The following SMC2 variants were observed in gnomAD, a reference collection of about 807,000 sequenced individuals.
The protein encoded by SMC2 is structural maintenance of chromosomes 2, also known as structural maintenance of chromosomes protein 2.
SMC2 carries 41 observed loss-of-function variants against 142.6 expected under a neutral mutation model. The observed-to-expected ratio is 0.29, with a 90% confidence interval of 0.22 to 0.37. The LOEUF is 0.37. Ranked by LOEUF, SMC2 falls within the 10% of genes least tolerant of loss-of-function variation. The pLI, the probability that SMC2 is intolerant of heterozygous loss-of-function variation, is 1.00. For synonymous variants in SMC2, 463 were observed against 457.5 expected (o/e 1.01, Z -0.15); for missense variants, 1,265 against 1,373.7 (o/e 0.92, Z 1.25).
chr9:104,117,732 T>C (rs978963535), intron 14 of SMC2, among the ~76,000 whole-genome samples: 1 of 152,198 alleles, frequency 6.6e-6, no homozygotes, highest in Non-Finnish European at 1.5e-5. Flanking sequence ...AAAATGCTCA[T>C]TGGAGTATTT....
intron 18 of SMC2, among the ~76,000 whole-genome samples, 156 bp from the exon 19 acceptor site, chr9:104,126,485 G>A (rs1834301261): frequency 6.8e-6 from 1 of 147,086 alleles, no homozygotes. Flanking sequence ...TTCCTTTTCT[G>A]GGGAAGCAGC....
chr9:104,121,215 A>G (rs1447088338), intron 16 of SMC2, among the ~76,000 whole-genome samples: 1 of 152,200 alleles, frequency 6.6e-6, no homozygotes, highest in African/African-American at 2.4e-5. Context: ...AAGTTTGGCC[A>G]GGCCTAGTGG....
intron 13 of SMC2, among the ~76,000 whole-genome samples, chr9:104,115,749 G>GTAC (rs1554701352): frequency 3.9e-5 from 6 of 151,932 alleles, no homozygotes; most frequent in African/African-American, 1.5e-4. Flanking sequence ...TCAGTATATA[G>GTAC]TATTAATTAT....
chr9:104,112,779 A>G (rs1412692627), intron 10 of SMC2, among the ~76,000 whole-genome samples: 1 of 152,158 alleles, frequency 6.6e-6, no homozygotes, highest in East Asian at 1.9e-4. Context: ...TAAATTCTTG[A>G]AGGCCTGACA....
At chr9:104,106,740 C>G (rs527437057) in intron 9 of SMC2, among the ~76,000 whole-genome samples, 1 of 152,268 alleles carries the variant, frequency 6.6e-6, no homozygotes, top group African/African-American at 2.4e-5. Context: ...TTGCCCTTCT[C>G]TTGACCAGAT....
chr9:104,097,781 ATATT>A (rs1205405559), intron 3 of SMC2, among the ~76,000 whole-genome samples: 2 of 152,228 alleles, frequency 1.3e-5, no homozygotes, highest in Admixed American at 1.3e-4. Flanking sequence ...CATTTATTCA[ATATT>A]TATTAAATAG....
intron 14 of SMC2, among the ~76,000 whole-genome samples, chr9:104,116,959 A>C (rs886664018): frequency 6.6e-6 from 1 of 152,244 alleles, no homozygotes; most frequent in Non-Finnish European, 1.5e-5. Context: ...TTTTTTATTG[A>C]TCAGACATTC....
At chr9:104,109,063 GAGAA>G (rs1564082439) in intron 9 of SMC2, among the ~76,000 whole-genome samples, 1 of 152,182 alleles carries the variant, frequency 6.6e-6, no homozygotes, top group Non-Finnish European at 1.5e-5. Context: ...TTCTTCAACT[GAGAA>G]AGGGAGAACA....
rs144804318 is a variant in SMC2, at chr9:104,124,983, G to A, written c.2329G>A (p.Glu777Lys). The change falls in exon 18 of 25, where the codon GAA becomes AAA. Residue 777 changes from glutamate to lysine, a missense_variant. By Grantham distance (56) the Glu-to-Lys change is moderately conservative. Coordinates refer to ENST00000374793, the MANE Select transcript of SMC2 (RefSeq NM_006444.3). ...AGCAGAAGAAAAATATGAAGTATTGGAAAATAAAATGAAAAATGCAGAAGC... is the reference window on the plus strand; with the variant it reads ...AGCAGAAGAAAAATATGAAGTATTGAAAAATAAAATGAAAAATGCAGAAGC... ...RKAEEKYEVL[E>K]NKMKNAEAER... is the part of the protein sequence containing the mutation. 4.6e-5 allele frequency: 73 copies of A among 1,602,962 alleles called. No homozygotes were observed. The highest frequency in any genetic ancestry group is 5.7e-5 in the Non-Finnish European group (67 of 1,177,224).
chr9:104,097,145 T>C (rs1409994532), intron 3 of SMC2, among the ~76,000 whole-genome samples: 2 of 130,414 alleles, frequency 1.5e-5, no homozygotes, highest in African/African-American at 5.8e-5. Flanking sequence ...TTTTTTTTCC[T>C]GAGACGGAGT....
At position 104,123,966 on chromosome 9, in the gene SMC2, T is replaced by G. The variant is rs184933864; in HGVS notation, c.2257+734T>G. On this transcript the variant is annotated intron_variant, in intron 17 of 24. Coordinates refer to ENST00000374793, the MANE Select transcript of SMC2 (RefSeq NM_006444.3). ...CTTCTCCACTAATATTTTAATAGTA[T>G]TTTCTGCAGTGAAAAGTAGTGTAAG... Among the ~76,000 whole-genome samples, 3 of 152,354 alleles carry G rather than the reference T, an allele frequency of 2.0e-5. No homozygotes were observed. In the East Asian group the frequency reaches 5.8e-4, roughly 29 times the overall value.
intron 17 of SMC2, 126 bp downstream of exon 17, chr9:104,123,358 AG>A: frequency 6.8e-6 from 6 of 887,542 alleles, no homozygotes; most frequent in Non-Finnish European, 9.6e-6. Context: ...GGAAAATCCA[AG>A]TATGGGATTT....
At chr9:104,121,750 A>T (rs1833763152) in intron 16 of SMC2, among the ~76,000 whole-genome samples, 1 of 151,032 alleles carries the variant, frequency 6.6e-6, no homozygotes. Context: ...CATAGTCAGG[A>T]TGGCCATTCA....
intron 23 of SMC2, among the ~76,000 whole-genome samples, chr9:104,135,284 G>T (rs891767016): frequency 1.3e-5 from 2 of 151,702 alleles, no homozygotes; most frequent in Non-Finnish European, 2.9e-5. Flanking sequence ...CTACTAAAAA[G>T]AATTAAGTGA....
In SMC2 at chr9:104,102,376, G is replaced by A. The variant is rs75353837; in HGVS notation, c.871-48G>A. 1,940 of 1,525,390 alleles carry A rather than the reference G, an allele frequency of 1.3e-3. 4 individuals carry two copies. The highest frequency in any genetic ancestry group is 1.6e-3 in the Non-Finnish European group (1,826 of 1,130,338). 94.5% of individuals were successfully genotyped at this position (1,525,390 alleles called of 1,614,324 possible). A position where few individuals can be genotyped will look rare whatever the true frequency, so the allele number is the denominator to read the frequency against. ...AGAACTCATACAATAAAATGACAGC[G>A]TGAACAAATTTTACATAAGTGATTG... On this transcript the variant is annotated intron_variant, in intron 8 of 24. Transcript: ENST00000374793.
chr9:104,118,635 T>G (rs536020088), intron 15 of SMC2, among the ~76,000 whole-genome samples: 1 of 152,292 alleles, frequency 6.6e-6, no homozygotes, highest in African/African-American at 2.4e-5. Context: ...CACACTGAGT[T>G]TGCAGATCTT....
chr9:104,099,033 A>T (rs919054163), intron 4 of SMC2, among the ~76,000 whole-genome samples: 7 of 152,112 alleles, frequency 4.6e-5, no homozygotes, highest in African/African-American at 1.7e-4. Context: ...AGTCGATGGG[A>T]GCATCTCAGT....
At chr9:104,120,206 A>G (rs763421312) in intron 16 of SMC2, 44 bp downstream of exon 16, 18 of 1,459,610 alleles carry the variant, frequency 1.2e-5, no homozygotes, top group Non-Finnish European at 1.6e-5. Flanking sequence ...TTTGCATAGT[A>G]GAAAATGATA....
intron 7 of SMC2, among the ~76,000 whole-genome samples, 156 bp downstream of exon 7, chr9:104,100,589 T>C (rs1831004709): frequency 6.6e-6 from 1 of 152,192 alleles, no homozygotes; most frequent in Non-Finnish European, 1.5e-5. Context: ...AGCGTTCTGC[T>C]TACAGAGGAT....
Sources: allele counts gnomAD v4.1 joint callset (sites outside exome capture counted in the v4.1 genomes callset), GRCh38; gene constraint gnomAD v4.1.1; transcripts MANE v1.5; gene names NCBI Gene and HGNC (gene_info 2026-07-23, HGNC 2026-07-21).